RGPD6: variants seen among roughly 807,000 people sequenced by gnomAD.
RGPD6 encodes the protein RANBP2 like and GRIP domain containing 6.
the RGPD6 span, among the ~76,000 whole-genome samples, chr2:110,610,764 C>A: frequency 6.9e-6 from 1 of 145,940 alleles, no homozygotes; most frequent in African/African-American, 2.5e-5. Flanking sequence ...TCGAAGCTGT[C>A]CATGGTGGGA....
chr2:110,606,431 C>T, the RGPD6 span, among the ~76,000 whole-genome samples: 1 of 101,312 alleles, frequency 9.9e-6, no homozygotes, highest in Non-Finnish European at 2.0e-5. Context: ...TGTGTGGATT[C>T]TGGCTTATAT....
At chr2:110,593,938 T>C in the RGPD6 span, among the ~76,000 whole-genome samples, 2 of 135,566 alleles carry the variant, frequency 1.5e-5, no homozygotes, top group East Asian at 2.1e-4. Flanking sequence ...CAAGTGTTCA[T>C]GAACTTTCAT....
At chr2:110,594,048 T>C in the RGPD6 span, among the ~76,000 whole-genome samples, 1 of 140,162 alleles carries the variant, frequency 7.1e-6, no homozygotes, top group East Asian at 2.0e-4. Context: ...TTATATACCA[T>C]AACCAAGTGA....
At chr2:110,604,489 T>C in the RGPD6 span, among the ~76,000 whole-genome samples, 1 of 140,858 alleles carries the variant, frequency 7.1e-6, no homozygotes, top group East Asian at 2.1e-4. Flanking sequence ...GAAAGCAAGG[T>C]TGGGGCCAGC....
chr2:110,605,640 G>A, the RGPD6 span, among the ~76,000 whole-genome samples: 7 of 151,536 alleles, frequency 4.6e-5, no homozygotes, highest in South Asian at 1.1e-3. Context: ...GGAGGAAGCC[G>A]CCCACTGGCC....
the RGPD6 span, among the ~76,000 whole-genome samples, chr2:110,596,631 ATT>A: frequency 6.7e-6 from 1 of 148,928 alleles, no homozygotes; most frequent in Admixed American, 6.8e-5. Flanking sequence ...CATCCATAAA[ATT>A]TGTCAAATTA....
chr2:110,597,053 A>C, the RGPD6 span, among the ~76,000 whole-genome samples: 1 of 89,924 alleles, frequency 1.1e-5, no homozygotes. Context: ...ATCTAGGCTC[A>C]CTGCAACCTC....
At chr2:110,589,413 C>T in the RGPD6 span, among the ~76,000 whole-genome samples, 5 of 152,070 alleles carry the variant, frequency 3.3e-5, no homozygotes, top group Non-Finnish European at 5.9e-5. Context: ...CATTTGAATT[C>T]CTAAGTATTT....
chr2:110,596,841 GT>G, the RGPD6 span, among the ~76,000 whole-genome samples: 2 of 134,498 alleles, frequency 1.5e-5, no homozygotes, highest in African/African-American at 2.9e-5. Flanking sequence ...TTCATTCTGA[GT>G]TTGAAAGTTC....
At chr2:110,610,804 C>A in the RGPD6 span, 1 of 1,110,434 alleles carries the variant, frequency 9.0e-7, no homozygotes, top group Non-Finnish European at 1.1e-6. Flanking sequence ...CCGCTGCCGC[C>A]GCTGCCGCCG....
At chr2:110,594,230 T>C in the RGPD6 span, among the ~76,000 whole-genome samples, 3 of 146,220 alleles carry the variant, frequency 2.1e-5, no homozygotes, top group East Asian at 5.9e-4. Flanking sequence ...CATCCTTTTG[T>C]GCTTAAAAAC....
At chr2:110,600,271 T>C in the RGPD6 span, among the ~76,000 whole-genome samples, 2,008 of 100,340 alleles carry the variant, frequency 0.02, no homozygotes, top group African/African-American at 0.069. Flanking sequence ...TAGACATAGA[T>C]GTGAGTTGGA....
chr2:110,589,521 A>G, the RGPD6 span, among the ~76,000 whole-genome samples: 99 of 152,044 alleles, frequency 6.5e-4, no homozygotes, highest in Non-Finnish European at 1.5e-4. Flanking sequence ...TATGTCAATC[A>G]GCCGGTTTGC....
chr2:110,607,297 T>C, the RGPD6 span, among the ~76,000 whole-genome samples: 1 of 151,648 alleles, frequency 6.6e-6, no homozygotes, highest in African/African-American at 2.4e-5. Context: ...TTCACCTTTT[T>C]CCAAGTTCTC....
the RGPD6 span, among the ~76,000 whole-genome samples, chr2:110,599,982 G>C: frequency 6.6e-6 from 1 of 151,324 alleles, no homozygotes; most frequent in African/African-American, 2.4e-5. Context: ...ACAAATAAGA[G>C]AGTCCTGGTG....
chr2:110,596,938 T>C, the RGPD6 span, among the ~76,000 whole-genome samples: 2 of 118,248 alleles, frequency 1.7e-5, no homozygotes, highest in Non-Finnish European at 3.2e-5. Context: ...ATATTATATA[T>C]ATTTTATATA....
chr2:110,593,256 A>G, the RGPD6 span, among the ~76,000 whole-genome samples: 1 of 148,236 alleles, frequency 6.7e-6, no homozygotes, highest in Non-Finnish European at 1.5e-5. Context: ...CTGAAGCTCA[A>G]CCCTAGGGCC....
chr2:110,600,006 T>C, the RGPD6 span, among the ~76,000 whole-genome samples: 1 of 151,904 alleles, frequency 6.6e-6, no homozygotes, highest in East Asian at 1.9e-4. Context: ...CCCGCTGAGC[T>C]GTCCTCTCCT....
chr2:110,593,329 C>A, the RGPD6 span, among the ~76,000 whole-genome samples: 1 of 147,560 alleles, frequency 6.8e-6, no homozygotes, highest in South Asian at 2.1e-4. Flanking sequence ...TGATGTCTGG[C>A]CAAGAAAGTA....
Sources: gnomAD v4.1 joint callset for allele counts (sites outside exome capture counted in the v4.1 genomes callset) on GRCh38, gnomAD v4.1.1 for gene constraint, MANE v1.5 for transcripts, NCBI Gene and HGNC (gene_info 2026-07-23, HGNC 2026-07-21) for gene names.